The following PRKCH variants were observed in gnomAD, a reference collection of about 807,000 sequenced individuals.
PRKCH encodes the protein protein kinase C eta.
In PRKCH, 28 loss-of-function variants were observed where a neutral mutation model predicts 82.5. The ratio of observed to expected loss-of-function variants is 0.34; its 90% CI spans 0.25 to 0.47. The LOEUF is 0.47. Among genes scored for constraint, PRKCH ranks in the 20% least tolerant of loss-of-function variants. The pLI is 1.00. For synonymous variants in PRKCH, 322 were observed against 327.4 expected (o/e 0.98, Z 0.18); for missense variants, 705 against 881.8 (o/e 0.80, Z 2.54).
intron 1 of PRKCH, among the ~76,000 whole-genome samples, chr14:61,384,898 A>T (rs2046564302): frequency 6.6e-6 from 1 of 152,098 alleles, no homozygotes; most frequent in Non-Finnish European, 1.5e-5. Context: ...GAGTAAATTT[A>T]GGTGTAAGTT....
intron 12 of PRKCH, among the ~76,000 whole-genome samples, chr14:61,546,099 G>A (rs927601491): frequency 2.6e-5 from 4 of 152,166 alleles, no homozygotes; most frequent in Non-Finnish European, 5.9e-5. Flanking sequence ...ATTGTATCCC[G>A]TTGACTTTCC....
chr14:61,549,027 G>C (rs761266515), intron 13 of PRKCH, among the ~76,000 whole-genome samples: 11 of 152,108 alleles, frequency 7.2e-5, no homozygotes, highest in Non-Finnish European at 1.3e-4. Flanking sequence ...CAGCCTACTA[G>C]GCTGTTGGAC....
In PRKCH at chr14:61,280,036, A is replaced by C. The variant is rs563123537; in HGVS notation, c.-19+92368A>C. On this transcript the variant is annotated intron_variant, in intron 1 of 3. Coordinates refer to the PRKCH transcript ENST00000555185. The surrounding 1 kb of genome is among the most constrained non-coding windows in gnomAD (Gnocchi z 5.0). The stretch of plus-strand genomic sequence containing the variant: ...GGTGACGGGCGAGGAGGAGATGCCA[A>C]AAGCACCTTGCAAGAGTTTTGGCAA... The C allele has an allele frequency of 6.8e-7, 1 of 1,477,996 alleles. No individual in the cohort carries two copies. The highest frequency in any genetic ancestry group is 1.4e-5 in the African/African-American group (1 of 70,940). 91.6% of individuals were successfully genotyped at this position (1,477,996 alleles called of 1,614,324 possible). A position where few individuals can be genotyped will look rare whatever the true frequency, so the allele number is the denominator to read the frequency against.
intron 1 of PRKCH, chr14:61,304,152 T>C (rs553154145): frequency 1.3e-5 from 2 of 152,194 alleles, no homozygotes; most frequent in South Asian, 4.2e-4. Flanking sequence ...TACAATTTTG[T>C]TAACTCTGTC....
intron 10 of PRKCH, among the ~76,000 whole-genome samples, chr14:61,491,684 G>A (rs185458798): frequency 3.6e-4 from 55 of 152,288 alleles, no homozygotes; most frequent in African/African-American, 1.2e-3. Context: ...TCCCTCAAAT[G>A]GGGTCTTCCC....
At chr14:61,189,478 G>A (rs1204418092) in intron 1 of PRKCH, among the ~76,000 whole-genome samples, 1 of 151,510 alleles carries the variant, frequency 6.6e-6, no homozygotes, top group Non-Finnish European at 1.5e-5. Context: ...TTCCTTTATT[G>A]CTAACAGACT....
chr14:61,530,746 T>A, intron 12 of PRKCH, 151 bp downstream of exon 12: 2 of 721,358 alleles, frequency 2.8e-6, no homozygotes, highest in Non-Finnish European at 4.2e-6. Flanking sequence ...AGAACCAGAG[T>A]TCTGTCAGGC....
intron 2 of PRKCH, among the ~76,000 whole-genome samples, chr14:61,410,157 A>G (rs1882189817): frequency 6.6e-6 from 1 of 152,184 alleles, no homozygotes; most frequent in South Asian, 2.1e-4. Context: ...TTGGCTTTGA[A>G]TGACCAGATG....
At chr14:61,442,134 T>C (rs1884004392) in intron 2 of PRKCH, among the ~76,000 whole-genome samples, 1 of 152,236 alleles carries the variant, frequency 6.6e-6, no homozygotes, top group African/African-American at 2.4e-5. Context: ...TTTCAATGAT[T>C]AAAGCATTAT....
At chr14:61,511,245 T>C (rs17098626) in intron 10 of PRKCH, among the ~76,000 whole-genome samples, 3,445 of 152,270 alleles carry the variant, frequency 0.023, 142 homozygotes, top group African/African-American at 0.079. Flanking sequence ...GATGTAGAAT[T>C]ATTAAACCTG....
intron 10 of PRKCH, among the ~76,000 whole-genome samples, chr14:61,488,349 G>A (rs899046401): frequency 1.3e-5 from 2 of 152,054 alleles, no homozygotes; most frequent in Non-Finnish European, 1.5e-5. Flanking sequence ...TCAATAAAAC[G>A]AGCACTTGTT....
At chr14:61,267,707 T>C (rs2045115987) in intron 1 of PRKCH, among the ~76,000 whole-genome samples, 3 of 152,226 alleles carry the variant, frequency 2.0e-5, no homozygotes, top group Admixed American at 2.0e-4. Flanking sequence ...ATACACCTTT[T>C]CAGTTAATGC....
At chr14:61,404,913 G>A (rs751695167) in intron 2 of PRKCH, among the ~76,000 whole-genome samples, 18 of 151,146 alleles carry the variant, frequency 1.2e-4, no homozygotes, top group Non-Finnish European at 2.5e-4. Flanking sequence ...ATGGTTGTTG[G>A]CACAACTTTG....
intron 1 of PRKCH, among the ~76,000 whole-genome samples, chr14:61,202,733 G>A (rs2044492108): frequency 6.6e-6 from 1 of 151,994 alleles, no homozygotes; most frequent in Admixed American, 6.6e-5. Flanking sequence ...AAAAGTTTTA[G>A]GTTTACAGAA....
intron 9 of PRKCH, among the ~76,000 whole-genome samples, chr14:61,468,416 C>T (rs74751505): frequency 0.041 from 6,245 of 152,174 alleles, 421 homozygotes; most frequent in African/African-American, 0.14. Flanking sequence ...ATGTTGGACC[C>T]GCCTCCTTCT....
chr14:61,420,193 G>T (rs1181114284), intron 2 of PRKCH, among the ~76,000 whole-genome samples: 2 of 152,150 alleles, frequency 1.3e-5, no homozygotes, highest in African/African-American at 4.8e-5. Context: ...GTGTGTGTGT[G>T]CGTGTATGTG....
intron 1 of PRKCH, among the ~76,000 whole-genome samples, chr14:61,210,090 A>ACAAAAC (rs71114199): frequency 8.0e-6 from 1 of 124,948 alleles, no homozygotes; most frequent in African/African-American, 3.0e-5. Flanking sequence ...AAAAACAAAA[A>ACAAAAC]ACAAAACAAA....
At chr14:61,219,741 T>G (rs2140051730) in intron 1 of PRKCH, among the ~76,000 whole-genome samples, 1 of 152,340 alleles carries the variant, frequency 6.6e-6, no homozygotes, top group South Asian at 2.1e-4. Context: ...CTGTAATCAT[T>G]AAGAGCATTG....
intron 2 of PRKCH, among the ~76,000 whole-genome samples, chr14:61,438,150 A>C (rs1290046815): frequency 6.6e-6 from 1 of 152,134 alleles, no homozygotes; most frequent in East Asian, 1.9e-4. Flanking sequence ...GCCCAGGGCC[A>C]CCGAGCTTAT....
Sources: allele counts gnomAD v4.1 joint callset (sites outside exome capture counted in the v4.1 genomes callset), GRCh38; gene constraint gnomAD v4.1.1; non-coding constraint Gnocchi (gnomAD v3.1); transcripts MANE v1.5; gene names NCBI Gene and HGNC (gene_info 2026-07-23, HGNC 2026-07-21).